The following DLC1 variants were observed in gnomAD, a reference collection of about 807,000 sequenced individuals.
DLC1 encodes the protein rho GTPase-activating protein 7.
Under a neutral mutation model 140.3 loss-of-function variants are expected in DLC1, and 54 were observed. That is an observed-to-expected ratio of 0.38 (90% CI 0.31 to 0.48). The LOEUF (loss-of-function observed/expected upper bound fraction) is 0.48, where lower values mean the gene tolerates loss of function less well. DLC1 is among the 20% of genes least tolerant of loss of function. The probability of loss-of-function intolerance (pLI) is 0.96; values close to 1 mark genes in which losing one functional copy is unlikely to be tolerated. For missense variants in DLC1, 2,536 were observed against 1,907.0 expected (o/e 1.33, Z -6.14); for synonymous variants, 986 against 728.1 (o/e 1.35, Z -5.70).
chr8:13,349,322 G>A (rs1046646408), intron 4 of DLC1, among the ~76,000 whole-genome samples: 26 of 152,046 alleles, frequency 1.7e-4, no homozygotes, highest in African/African-American at 6.3e-4. Context: ...GGTCCTTCTG[G>A]TTAGAAATCA....
At chr8:13,523,510 G>A (rs1228136996) in intron 1 of DLC1, among the ~76,000 whole-genome samples, 1 of 152,130 alleles carries the variant, frequency 6.6e-6, no homozygotes, top group Non-Finnish European at 1.5e-5. Context: ...TTCAAGTTTG[G>A]AAAAGAGATC....
intron 1 of DLC1, among the ~76,000 whole-genome samples, chr8:13,510,321 C>G (rs1257393576): frequency 6.6e-6 from 1 of 151,984 alleles, no homozygotes; most frequent in Non-Finnish European, 1.5e-5. Context: ...TTACAGGTGC[C>G]TGCTACCATG....
chr8:13,159,083 C>T (rs1220153935), intron 5 of DLC1, among the ~76,000 whole-genome samples: 1 of 152,086 alleles, frequency 6.6e-6, no homozygotes, highest in Non-Finnish European at 1.5e-5. Flanking sequence ...ATTCAAATTC[C>T]ACTCCATGAG....
rs148705317 is a variant in DLC1 at position 13,178,958 on chromosome 8, A to G, written c.1349-63301T>C. On this transcript the variant is annotated intron_variant, in intron 5 of 17. Transcript: ENST00000276297. The stretch of plus-strand genomic sequence containing the variant: ...TAGAAATGTGTCGATTTGTTCACCA[A>G]AAGACATGTATTGAAATGCTCATTT... Among the ~76,000 whole-genome samples the G allele has an allele frequency of 3.0e-3, 458 of 152,358 alleles. 2 individuals carry two copies. The highest frequency in any genetic ancestry group is 0.01 in the African/African-American group (436 of 41,592).
chr8:13,427,628 C>T (rs1270024639), intron 2 of DLC1, among the ~76,000 whole-genome samples: 1 of 152,140 alleles, frequency 6.6e-6, no homozygotes, highest in African/African-American at 2.4e-5. Context: ...GTCCCCCTCT[C>T]TCTGTGACTT....
At chr8:13,286,268 G>A (rs1256584626) in intron 5 of DLC1, among the ~76,000 whole-genome samples, 2 of 152,054 alleles carry the variant, frequency 1.3e-5, no homozygotes, top group African/African-American at 2.4e-5. Flanking sequence ...GAGGTGGAGA[G>A]GAGGTGGTTT....
At chr8:13,433,001 G>C (rs915364996) in intron 2 of DLC1, among the ~76,000 whole-genome samples, 2 of 121,678 alleles carry the variant, frequency 1.6e-5, no homozygotes, top group Non-Finnish European at 3.2e-5. Flanking sequence ...AATCTAACTT[G>C]TAAGTTGAAG....
intron 2 of DLC1, among the ~76,000 whole-genome samples, chr8:13,463,201 G>C (rs1421776662): frequency 2.0e-5 from 3 of 151,886 alleles, no homozygotes; most frequent in Non-Finnish European, 4.4e-5. Context: ...TAGTAACTAG[G>C]TGTGACTGAA....
At chr8:13,113,853 G>A (rs1021478050) in intron 6 of DLC1, among the ~76,000 whole-genome samples, 1 of 152,182 alleles carries the variant, frequency 6.6e-6, no homozygotes, top group Non-Finnish European at 1.5e-5. Flanking sequence ...ATTTTACACG[G>A]TCTAACAATA....
chr8:13,255,402 T>C (rs1464321063), intron 5 of DLC1, among the ~76,000 whole-genome samples: 3 of 152,132 alleles, frequency 2.0e-5, no homozygotes, highest in Non-Finnish European at 4.4e-5. Context: ...TAAAAGGAAC[T>C]CCATAAATGA....
chr8:13,118,625 C>G (rs184667714), intron 5 of DLC1, among the ~76,000 whole-genome samples: 3 of 152,156 alleles, frequency 2.0e-5, no homozygotes, highest in African/African-American at 7.2e-5. Context: ...GTTGACCTCA[C>G]GCCTACACTT....
chr8:13,183,756 G>C (rs1240120596), intron 5 of DLC1, among the ~76,000 whole-genome samples: 1 of 152,138 alleles, frequency 6.6e-6, no homozygotes, highest in Non-Finnish European at 1.5e-5. Flanking sequence ...ATGTTCATCA[G>C]GGATATTGGT....
At chr8:13,567,463 G>A (rs577987071) in intron 1 of DLC1, 21 of 1,552,060 alleles carry the variant, frequency 1.4e-5, no homozygotes, top group Non-Finnish European at 1.7e-5. Flanking sequence ...GGATGTAGAG[G>A]CTTCAGAGAG....
At chr8:13,133,983 C>G (rs1404682314) in intron 5 of DLC1, among the ~76,000 whole-genome samples, 1 of 152,186 alleles carries the variant, frequency 6.6e-6, no homozygotes, top group Non-Finnish European at 1.5e-5. Context: ...TGCTGGGGGT[C>G]ACAGCCCGTG....
At chr8:13,495,548 A>C (rs142669582) in intron 2 of DLC1, among the ~76,000 whole-genome samples, 5 of 152,080 alleles carry the variant, frequency 3.3e-5, no homozygotes, top group Admixed American at 2.0e-4. Flanking sequence ...ATTTCATCCT[A>C]TTTAGAGGAA....
chr8:13,507,899 A>G (rs1467359204), intron 1 of DLC1, among the ~76,000 whole-genome samples: 30 of 152,210 alleles, frequency 2.0e-4, no homozygotes, highest in Non-Finnish European at 2.9e-5. Flanking sequence ...TAGAAGAAAA[A>G]TGAAGAAATA....
intron 5 of DLC1, among the ~76,000 whole-genome samples, chr8:13,136,434 A>G (rs1307153629): frequency 6.6e-6 from 1 of 152,100 alleles, no homozygotes; most frequent in Non-Finnish European, 1.5e-5. Context: ...AACATGGAGT[A>G]TTTGGTTTCC....
intron 2 of DLC1, among the ~76,000 whole-genome samples, chr8:13,424,296 C>T (rs1838453965): frequency 6.6e-6 from 1 of 152,032 alleles, no homozygotes; most frequent in South Asian, 2.1e-4. Context: ...CAAGGTCAGC[C>T]TGGCCAACAT....
chr8:13,201,445 T>C (rs1827374038), intron 5 of DLC1, among the ~76,000 whole-genome samples: 1 of 152,174 alleles, frequency 6.6e-6, no homozygotes, highest in Non-Finnish European at 1.5e-5. Flanking sequence ...TAATACATTA[T>C]AAGAATTGAG....
Sources: allele counts gnomAD v4.1 joint callset (sites outside exome capture counted in the v4.1 genomes callset), GRCh38; gene constraint gnomAD v4.1.1; transcripts MANE v1.5; gene names NCBI Gene and HGNC (gene_info 2026-07-23, HGNC 2026-07-21).